Variants in ARHGEF16 observed in about 807,000 individuals in gnomAD.
The protein encoded by ARHGEF16 is Rho guanine nucleotide exchange factor 16.
Under a neutral mutation model 74.1 loss-of-function variants are expected in ARHGEF16, and 59 were observed. The observed-to-expected ratio is 0.80, with a 90% CI of 0.65 to 0.99. ARHGEF16 has a LOEUF of 0.99. Among genes scored for constraint, ARHGEF16 ranks in the 50% least tolerant of loss-of-function variants. The probability of loss-of-function intolerance (pLI) is 0.00; values close to 1 mark genes in which losing one functional copy is unlikely to be tolerated. For missense variants in ARHGEF16, 948 were observed against 986.6 expected (o/e 0.96, Z 0.52); for synonymous variants, 415 against 412.6 (o/e 1.01, Z -0.07).
intron 4 of ARHGEF16, chr1:3,468,674 G>C (rs1447103391): frequency 1.6e-6 from 1 of 606,128 alleles, no homozygotes; most frequent in Non-Finnish European, 3.0e-6. Flanking sequence ...GGAGCGGGGG[G>C]CTGACCCAAG....
intron 1 of ARHGEF16, among the ~76,000 whole-genome samples, chr1:3,460,990 C>A (rs1282105204): frequency 6.6e-6 from 1 of 152,098 alleles, no homozygotes; most frequent in Non-Finnish European, 1.5e-5. Context: ...AGGTGCTAAT[C>A]CAGGTCAGTT....
chr1:3,478,511 G>T lies in ARHGEF16; in HGVS notation c.1713G>T (p.Gly571=), dbSNP rs1018534602. The change falls in exon 12 of 15, where the codon GGG becomes GGT. Residue 571 remains glycine (G), a synonymous_variant. Transcript: ENST00000378378. The part of the protein sequence containing the change: ...KIEPSELPLP[G]GGNRSSSVPH... ...AGCCGTCTGAGCTCCCTCTGCCCGG[G>T]GGCGGCAACCGTAGCTCCTCCGTGC... is the stretch of plus-strand genomic sequence containing the variant. The T allele has an allele frequency of 1.9e-6, 3 of 1,612,660 alleles. No homozygotes were observed. The highest frequency in any genetic ancestry group is 2.5e-6 in the Non-Finnish European group (3 of 1,179,856).
intron 8 of ARHGEF16, chr1:3,473,724 G>A (rs556798331): frequency 5.8e-6 from 5 of 864,076 alleles, no homozygotes; most frequent in South Asian, 3.5e-5. Context: ...TCACTGTGCC[G>A]GGAACTGTTC....
At chr1:3,468,026 C>T (rs1304890686) in intron 4 of ARHGEF16, among the ~76,000 whole-genome samples, 3 of 152,118 alleles carry the variant, frequency 2.0e-5, no homozygotes, top group Non-Finnish European at 4.4e-5. Flanking sequence ...CCTGGGACCC[C>T]GGCCAGGGCA....
intron 6 of ARHGEF16, among the ~76,000 whole-genome samples, chr1:3,472,369 C>G (rs1639749690): frequency 6.6e-6 from 1 of 152,252 alleles, no homozygotes; most frequent in African/African-American, 2.4e-5. Context: ...CACCCTGGAC[C>G]AAGGCCTGGG....
chr1:3,477,773 C>T (rs1639929056), intron 10 of ARHGEF16, 102 bp from the exon 11 acceptor site: 2 of 1,124,070 alleles, frequency 1.8e-6, no homozygotes, highest in East Asian at 2.4e-5. Flanking sequence ...GTCAGTCCCA[C>T]CTGGTGCTAT....
Position 3,463,437 on chromosome 1 carries a change from C to T in ARHGEF16, c.353C>T (p.Ala118Val), listed in dbSNP as rs1639455275. 1 of 1,546,148 alleles carries T rather than the reference C, an allele frequency of 6.5e-7. No individual in the cohort carries two copies. The highest frequency in any genetic ancestry group is 8.7e-7 in the Non-Finnish European group (1 of 1,144,594). Residue 118 changes from alanine to valine, a missense_variant, in exon 2 of 15, where the codon GCC becomes GTC. Transcript: ENST00000378378. ...GCGGCTGTACTTAGCAGGGAGGCCG[C>T]CCGGCGGGACCCTAAGCTCCTCCCA... Reference protein sequence around the residue: ...FGAAVLSREAARRDPKLLPAP... With the variant: ...FGAAVLSREAVRRDPKLLPAP...
intron 2 of ARHGEF16, among the ~76,000 whole-genome samples, chr1:3,464,057 C>T (rs1315696308): frequency 5.9e-5 from 9 of 152,248 alleles, no homozygotes; most frequent in Non-Finnish European, 1.3e-4. Flanking sequence ...GCTCCATCTG[C>T]CCCGGCAGCT....
chr1:3,466,842 G>T (rs1024168992), intron 3 of ARHGEF16: 2 of 257,806 alleles, frequency 7.8e-6, no homozygotes, highest in Non-Finnish European at 1.5e-5. Context: ...CCAGGAGGGG[G>T]TACCCAGGTC....
Position 3,479,534 on chromosome 1 carries a change from G to A in ARHGEF16, c.1832G>A (p.Trp611Ter), listed in dbSNP as rs1256226384. ...GTCCCCAGGAGTGACCGGGCACGGT[G>A]GATCGTGGCGCTCACACACAGTGAG... is the stretch of plus-strand genomic sequence containing the variant. ...SSDSASDRAR[W>*]IVALTHSERQ... The change falls in exon 13 of 15, where the codon TGG becomes TAG. Residue 611 changes from tryptophan (W) to a stop codon, truncating the protein, a stop_gained. Coordinates refer to ENST00000378378, the MANE Select transcript of ARHGEF16 (RefSeq NM_014448.4). LOFTEE classifies it high-confidence loss of function. 1 of 1,612,518 alleles carries A rather than the reference G, an allele frequency of 6.2e-7. No individual in the cohort carries two copies. Among genetic ancestry groups the A allele is most frequent in the Non-Finnish European group, 8.5e-7 (1 of 1,179,910 alleles).
At chr1:3,465,325 C>G (rs1014509304) in intron 2 of ARHGEF16, among the ~76,000 whole-genome samples, 1 of 152,164 alleles carries the variant, frequency 6.6e-6, no homozygotes, top group Non-Finnish European at 1.5e-5. Context: ...GGAGGGGGCT[C>G]CCCATGGCCT....
intron 1 of ARHGEF16, among the ~76,000 whole-genome samples, chr1:3,458,595 G>A (rs1639320063): frequency 6.6e-6 from 1 of 152,252 alleles, no homozygotes; most frequent in Non-Finnish European, 1.5e-5. Context: ...CCTGTGCTCA[G>A]GGTGTGTGCA....
intron 1 of ARHGEF16, among the ~76,000 whole-genome samples, chr1:3,459,768 G>C (rs776417730): frequency 4.3e-4 from 66 of 152,336 alleles, no homozygotes; most frequent in African/African-American, 1.6e-3. Context: ...TTAACAGGAC[G>C]TGGACAAGGC....
rs776606730 is a variant in ARHGEF16 at position 3,473,085 on chromosome 1, G to C, written c.1030G>C (p.Glu344Gln). 1.1e-5 allele frequency: 17 copies of C among 1,612,500 alleles called. No individual in the cohort carries two copies. In the African/African-American group the frequency reaches 1.7e-4, roughly 16 times the overall value. ...ACCCCTCCTTGCCTTCAGGTTCTTC[G>C]AGGACCTGGAGCAGCGGCACAAGGC... ...DVLGASQRFF[E>Q]DLEQRHKAQV... The change falls in exon 7 of 15, where the codon GAG (glutamate) becomes CAG (glutamine). Residue 344 changes from glutamate to glutamine, a missense_variant. Coordinates refer to ENST00000378378, the MANE Select transcript of ARHGEF16 (RefSeq NM_014448.4).
chr1:3,457,849 C>T (rs1347572301), intron 1 of ARHGEF16, among the ~76,000 whole-genome samples: 2 of 152,186 alleles, frequency 1.3e-5, no homozygotes, highest in Non-Finnish European at 2.9e-5. Context: ...TTGGGGATAC[C>T]AGGTGGGGTA....
At chr1:3,460,187 G>A (rs954380179) in intron 1 of ARHGEF16, among the ~76,000 whole-genome samples, 2 of 152,236 alleles carry the variant, frequency 1.3e-5, no homozygotes, top group Non-Finnish European at 2.9e-5. Flanking sequence ...CTGCCTCGCT[G>A]GGAGCGGAGG....
Position 3,463,130 on chromosome 1 carries a change from G to C in ARHGEF16, c.46G>C (p.Gly16Arg), listed in dbSNP as rs1489489503. ...CAGCTCCTTGGAGGAGAAGCTCCTG[G>C]GACACCGCTTCCACTCGGAGCTCCG... ...SDSSLEEKLL[G>R]HRFHSELRLD... Residue 16 changes from glycine (G) to arginine (R), a missense_variant, in exon 2 of 15, where the codon GGA becomes CGA. Coordinates refer to ENST00000378378, the MANE Select transcript of ARHGEF16 (RefSeq NM_014448.4). 6.8e-7 allele frequency: 1 copy of C among 1,481,376 alleles called. No individual in the cohort carries two copies. Among genetic ancestry groups the C allele is most frequent in the South Asian group, 1.3e-5 (1 of 74,210 alleles). 91.8% of individuals were successfully genotyped at this position (1,481,376 alleles called of 1,614,324 possible).
At chr1:3,467,597 C>T (rs1336630636) in intron 4 of ARHGEF16, among the ~76,000 whole-genome samples, 1 of 152,218 alleles carries the variant, frequency 6.6e-6, no homozygotes, top group Non-Finnish European at 1.5e-5. Flanking sequence ...GACTACCCTT[C>T]AGGGAGCTGC....
intron 4 of ARHGEF16, among the ~76,000 whole-genome samples, chr1:3,467,653 T>C (rs1259348256): frequency 1.3e-5 from 2 of 152,264 alleles, no homozygotes. Flanking sequence ...AGGAGAGGGC[T>C]GAATGATCTG....
Sources: allele counts gnomAD v4.1 joint callset (sites outside exome capture counted in the v4.1 genomes callset), GRCh38; gene constraint gnomAD v4.1.1; transcripts MANE v1.5; gene names NCBI Gene and HGNC (gene_info 2026-07-23, HGNC 2026-07-21).